The following SLC9D1 variants were observed in gnomAD, a reference collection of about 807,000 sequenced individuals.
SLC9D1 encodes the protein putative LAG1-interacting protein.
At chr13:113,494,514 G>A in the SLC9D1 span, among the ~76,000 whole-genome samples, 1 of 152,214 alleles carries the variant, frequency 6.6e-6, no homozygotes, top group Admixed American at 6.5e-5. Flanking sequence ...CAGCAGTAAT[G>A]TTCAGAAAGC....
the SLC9D1 span, among the ~76,000 whole-genome samples, chr13:113,532,309 G>A: frequency 4.6e-5 from 7 of 152,320 alleles, no homozygotes; most frequent in South Asian, 2.1e-4. Flanking sequence ...GCCCCCAGAC[G>A]CACAGGCTCT....
the SLC9D1 span, chr13:113,499,891 G>A: frequency 1.1e-6 from 1 of 926,286 alleles, no homozygotes; most frequent in Non-Finnish European, 1.5e-6. Context: ...CTTCTGTTTA[G>A]CGTTCATTCT....
the SLC9D1 span, chr13:113,495,711 A>G: frequency 9.3e-6 from 15 of 1,613,320 alleles, no homozygotes; most frequent in Admixed American, 1.7e-4. Context: ...GGTGGCTGCC[A>G]TGCAGAGCCG....
At chr13:113,545,300 G>A in the SLC9D1 span, among the ~76,000 whole-genome samples, 1 of 130,722 alleles carries the variant, frequency 7.6e-6, no homozygotes, top group African/African-American at 3.3e-5. Flanking sequence ...ACATCGAGCT[G>A]GGTCCACAGT....
the SLC9D1 span, among the ~76,000 whole-genome samples, chr13:113,513,710 TC>T: frequency 6.6e-6 from 1 of 152,154 alleles, no homozygotes; most frequent in African/African-American, 2.4e-5. Context: ...CTCACAGAGT[TC>T]ATAAAAAGAC....
chr13:113,525,990 C>T, the SLC9D1 span, among the ~76,000 whole-genome samples: 5 of 151,162 alleles, frequency 3.3e-5, no homozygotes, highest in South Asian at 2.1e-4. Context: ...AGCTCTGTGC[C>T]GGTTATTCTA....
chr13:113,545,927 C>G, the SLC9D1 span: 2 of 152,346 alleles, frequency 1.3e-5, no homozygotes, highest in African/African-American at 4.8e-5. Context: ...CCTGGAATCT[C>G]TGGAACAGGA....
the SLC9D1 span, chr13:113,511,969 C>T: frequency 0.16 from 22,587 of 141,562 alleles, 1,336 homozygotes; most frequent in African/African-American, 0.3. Flanking sequence ...GGCAGAGGGC[C>T]GGAGTGTAGA....
chr13:113,545,830 C>T, the SLC9D1 span: 35,291 of 152,316 alleles, frequency 0.23, 5,852 homozygotes, highest in African/African-American at 0.48. Flanking sequence ...TGAGGGATGC[C>T]ACCAGGTGCA....
chr13:113,535,083 AAAAC>A, the SLC9D1 span: 15 of 152,422 alleles, frequency 9.8e-5, no homozygotes, highest in Non-Finnish European at 1.5e-4. This position sits in a 1 kb window ranked among gnomAD's most constrained non-coding sequence, Gnocchi z 4.1. Flanking sequence ...ACCCCATATC[AAAAC>A]AAACAAAACT....
chr13:113,523,969 G>A, the SLC9D1 span, among the ~76,000 whole-genome samples: 37 of 152,252 alleles, frequency 2.4e-4, no homozygotes, highest in Admixed American at 1.5e-3. Flanking sequence ...CCACTGTGGC[G>A]CGAGAACATT....
chr13:113,547,108 C>G, the SLC9D1 span: 1 of 586,352 alleles, frequency 1.7e-6, no homozygotes, highest in South Asian at 1.9e-5. Flanking sequence ...CATCCCAGGG[C>G]AGGCTTTTCC....
the SLC9D1 span, among the ~76,000 whole-genome samples, chr13:113,496,345 T>C: frequency 6.6e-6 from 1 of 152,254 alleles, no homozygotes; most frequent in African/African-American, 2.4e-5. Flanking sequence ...CAAGTTGTAC[T>C]AGTAAACTGA....
the SLC9D1 span, chr13:113,549,324 C>A: frequency 7.5e-7 from 1 of 1,331,266 alleles, no homozygotes; most frequent in Non-Finnish European, 1.0e-6. Context: ...TCTAGCTTTG[C>A]AGGCGTCCCT....
At chr13:113,539,474 G>A in the SLC9D1 span, 10 of 1,613,162 alleles carry the variant, frequency 6.2e-6, no homozygotes, top group Admixed American at 6.7e-5. The surrounding 1 kb of genome is among the most constrained non-coding windows in gnomAD (Gnocchi z 4.8). Context: ...ACCCATCCGC[G>A]ACTTCCTGGC....
At chr13:113,491,110 G>C in the SLC9D1 span, 2 of 153,056 alleles carry the variant, frequency 1.3e-5, no homozygotes, top group Admixed American at 6.5e-5. Context: ...CGGCCTCCCT[G>C]GTCCCGCCTG....
At chr13:113,502,259 G>A in the SLC9D1 span, among the ~76,000 whole-genome samples, 3 of 152,160 alleles carry the variant, frequency 2.0e-5, no homozygotes, top group African/African-American at 7.2e-5. Flanking sequence ...TGTCACCCGG[G>A]CTGGAGTGCA....
chr13:113,534,029 C>CT, the SLC9D1 span: 20 of 1,572,966 alleles, frequency 1.3e-5, 1 homozygote, highest in South Asian at 2.3e-4. Flanking sequence ...AATCACGTCT[C>CT]TTTTTTCTTT....
At chr13:113,504,358 G>A in the SLC9D1 span, 1 of 152,080 alleles carries the variant, frequency 6.6e-6, no homozygotes, top group Non-Finnish European at 1.5e-5. Context: ...TATTTCAATA[G>A]GTTGTTGGGA....
Sources: allele counts gnomAD v4.1 joint callset (sites outside exome capture counted in the v4.1 genomes callset), GRCh38; gene constraint gnomAD v4.1.1; non-coding constraint Gnocchi (gnomAD v3.1); transcripts MANE v1.5; gene names NCBI Gene and HGNC (gene_info 2026-07-23, HGNC 2026-07-21).